The following CPXM1 variants were observed in gnomAD, a reference collection of about 807,000 sequenced individuals.
The protein encoded by CPXM1 is probable carboxypeptidase X1.
CPXM1 carries 72 observed loss-of-function variants against 80.4 expected under a neutral mutation model. That is an observed-to-expected ratio of 0.90 (90% CI 0.74 to 1.09). CPXM1 has a LOEUF of 1.09. Among genes scored for constraint, CPXM1 ranks in the 50% least tolerant of loss-of-function variants. The probability of loss-of-function intolerance (pLI) is 0.00; values close to 1 mark genes in which losing one functional copy is unlikely to be tolerated. For missense variants in CPXM1, 892 were observed against 999.4 expected (o/e 0.89, Z 1.45); for synonymous variants, 403 against 405.6 (o/e 0.99, Z 0.08).
At position 2,796,131 on chromosome 20, in the gene CPXM1, G is replaced by C; in HGVS notation, c.1273C>G (p.Arg425Gly). ...GSELVGWAEG[R>G]WNNQSIDLNH... is the part of the protein sequence containing the mutation. ...AGATCGATGCTCTGGTTGTTCCAGCGGCCCTCGGCCCAGCCCACCAGCTCT... is the reference window on the plus strand; with the variant it reads ...AGATCGATGCTCTGGTTGTTCCAGCCGCCCTCGGCCCAGCCCACCAGCTCT... Residue 425 changes from arginine to glycine, a missense_variant, in exon 10 of 14, where the codon CGC (arginine) becomes GGC (glycine). Coordinates refer to ENST00000380605, the MANE Select transcript of CPXM1 (RefSeq NM_019609.5). The surrounding 1 kb of genome is among the most constrained non-coding windows in gnomAD (Gnocchi z 6.8). The C allele has an allele frequency of 6.2e-7, 1 of 1,612,444 alleles. No homozygotes were observed. The highest frequency in any genetic ancestry group is 8.5e-7 in the Non-Finnish European group (1 of 1,179,164).
At chr20:2,798,568 C>T in intron 2 of CPXM1, 31 bp from the exon 3 acceptor site, 1 of 1,592,450 alleles carries the variant, frequency 6.3e-7, no homozygotes, top group East Asian at 2.2e-5. Flanking sequence ...TGAGACAGGA[C>T]CAGAGGGAGG....
intron 1 of CPXM1, 28 bp downstream of exon 1, chr20:2,800,373 G>C (rs778424674): frequency 2.0e-6 from 3 of 1,489,470 alleles, no homozygotes; most frequent in African/African-American, 1.4e-5. Context: ...GGCTTGCGGG[G>C]GAGCGGACCG....
Position 2,797,188 on chromosome 20 carries a change from C to T in CPXM1, c.832+4G>A. 1 of 1,596,262 alleles carries T rather than the reference C, an allele frequency of 6.3e-7. No individual in the cohort carries two copies. The highest frequency in any genetic ancestry group is 1.1e-5 in the South Asian group (1 of 89,652). On this transcript the variant is annotated splice_donor_region_variant and intron_variant, in intron 6 of 13. Transcript: ENST00000380605. ...GCCCAACCAACCCTGGCCTGACTGC[C>T]CACCTGAGACTGGGCAGGCCAGGAT...
intron 1 of CPXM1, 90 bp from the exon 2 acceptor site, chr20:2,798,983 C>T (rs944039064): frequency 8.0e-5 from 102 of 1,272,158 alleles, no homozygotes; most frequent in Non-Finnish European, 1.0e-4. Context: ...ACATGTGAGC[C>T]CACAGCAGGC....
At chr20:2,799,747 G>A (rs936218935) in intron 1 of CPXM1, among the ~76,000 whole-genome samples, 3 of 152,164 alleles carry the variant, frequency 2.0e-5, no homozygotes, top group South Asian at 4.1e-4. Flanking sequence ...AAAGCTGGGA[G>A]GTCGGGCTGC....
At chr20:2,797,717 C>T (rs215540) in intron 5 of CPXM1, among the ~76,000 whole-genome samples, 136,503 of 152,242 alleles carry the variant, frequency 0.9, 61,264 homozygotes, top group East Asian at 1. Context: ...AGAAGGGGCA[C>T]GCCAGGAGGA....
rs753399525 is a variant in CPXM1 at position 2,798,491 on chromosome 20, C to T, written c.387G>A (p.Arg129=). ...AGGACTGGCTGCTGGATGCCTCAAGCCGGCTATCTGAAACTCGCAGGGACT... is the reference window on the plus strand; with the variant it reads ...AGGACTGGCTGCTGGATGCCTCAAGTCGGCTATCTGAAACTCGCAGGGACT... ...GLESLRVSDS[R]LEASSSQSFG... Residue 129 remains arginine, a synonymous_variant, in exon 3 of 14, where the codon CGG becomes CGA. Coordinates refer to ENST00000380605, the MANE Select transcript of CPXM1 (RefSeq NM_019609.5). 1.6e-5 allele frequency: 26 copies of T among 1,614,052 alleles called. No homozygotes were observed. Among genetic ancestry groups the T allele is most frequent in the Non-Finnish European group, 2.1e-5 (25 of 1,180,030 alleles).
Position 2,796,100 on chromosome 20 carries a change from T to C in CPXM1, c.1304A>G (p.His435Arg). The C allele has an allele frequency of 6.2e-7, 1 of 1,614,004 alleles. No individual in the cohort carries two copies. The highest frequency in any genetic ancestry group is 8.5e-7 in the Non-Finnish European group (1 of 1,179,942). ...RWNNQSIDLNHNFADLNTPLW... is the reference protein window; with the variant it reads ...RWNNQSIDLNRNFADLNTPLW... ...TGGTGTGTTGAGGTCAGCAAAATTA[T>C]GGTTAAGATCGATGCTCTGGTTGTT... is the stretch of plus-strand genomic sequence containing the variant. Residue 435 changes from histidine (H) to arginine (R), a missense_variant, in exon 10 of 14, where the codon CAT becomes CGT. By Grantham distance (29) the His-to-Arg change is conservative (BLOSUM62 0). This residue lies in a region of CPXM1 where 874 missense variants were observed against 958.4 expected (regional missense o/e 0.91). Transcript: ENST00000380605. The surrounding 1 kb of genome is among the most constrained non-coding windows in gnomAD (Gnocchi z 6.8).
At chr20:2,798,337 G>A in intron 3 of CPXM1, 46 bp from the exon 4 acceptor site, 1 of 1,609,956 alleles carries the variant, frequency 6.2e-7, no homozygotes, top group Non-Finnish European at 8.5e-7. Context: ...GACAGAGTGG[G>A]GCAGGCCAGG....
rs762747534 is a variant in CPXM1 at position 2,795,342 on chromosome 20, G to A, written c.1795C>T (p.His599Tyr). Residue 599 changes from histidine to tyrosine, a missense_variant, in exon 12 of 14, where the codon CAC becomes TAC. Around this residue, in one of 2 missense-constraint regions of CPXM1, gnomAD observed 874 missense variants for 958.4 expected, o/e 0.91. Coordinates refer to ENST00000380605, the MANE Select transcript of CPXM1 (RefSeq NM_019609.5). The surrounding 1 kb of genome is among the most constrained non-coding windows in gnomAD (Gnocchi z 5.4). ...CACTCCTGGGGCAATTCATTCTCGTGAGGGAACTTGTCACAGGACAGCTCC... is the reference window on the plus strand; with the variant it reads ...CACTCCTGGGGCAATTCATTCTCGTAAGGGAACTTGTCACAGGACAGCTCC... ...TVELSCDKFP[H>Y]ENELPQEWEN... 2 of 1,614,174 alleles carry A rather than the reference G, an allele frequency of 1.2e-6. No individual in the cohort carries two copies. The highest frequency in any genetic ancestry group is 1.7e-6 in the Non-Finnish European group (2 of 1,180,020).
In CPXM1 at chr20:2,794,500, C is replaced by T. The variant is rs2088484389; in HGVS notation, c.1963+37G>A. ...TCTGCTTCTTCCCGAGCCTCCAGCC[C>T]TCCAGCCCCTTCCCTTGCCCTCCCG... is the stretch of plus-strand genomic sequence containing the variant. On this transcript the variant is annotated intron_variant, in intron 13 of 13. Transcript: ENST00000380605. The surrounding 1 kb of genome is among the most constrained non-coding windows in gnomAD (Gnocchi z 5.2). 6 of 1,613,750 alleles carry T rather than the reference C, an allele frequency of 3.7e-6. 1 individual carries two copies. In the South Asian group the frequency reaches 6.6e-5, roughly 18 times the overall value.
Position 2,796,983 on chromosome 20 carries a change from A to G in CPXM1, c.921+23T>C, listed in dbSNP as rs374282835. ...CTGAGATGGGTGGGCCCTCCTTCCC[A>G]GGTCATAGGGGTTATATCTGACCTT... On this transcript the variant is annotated intron_variant, in intron 7 of 13. Coordinates refer to ENST00000380605, the MANE Select transcript of CPXM1 (RefSeq NM_019609.5). The surrounding 1 kb of genome is among the most constrained non-coding windows in gnomAD (Gnocchi z 6.8). 4.2e-5 allele frequency: 68 copies of G among 1,608,508 alleles called. No homozygotes were observed. Among genetic ancestry groups the G allele is most frequent in the Middle Eastern group, 1.6e-4 (1 of 6,066 alleles).
chr20:2,797,862 A>G (rs2088526232), intron 5 of CPXM1, 106 bp downstream of exon 5: 1 of 993,834 alleles, frequency 1.0e-6, no homozygotes, highest in East Asian at 2.4e-5. Context: ...CCCCCTGGGA[A>G]GCCTAAGCTG....
In CPXM1 at chr20:2,795,005, C is replaced by T. The variant is rs533675758; in HGVS notation, c.1860+272G>A. Reference sequence around the variant, plus strand: ...TCCTGCACCTGCCTCACGTGAGTCTCTCCTGAGGATAGCTCTGGGGCAGCG... The same window carrying T: ...TCCTGCACCTGCCTCACGTGAGTCTTTCCTGAGGATAGCTCTGGGGCAGCG... On this transcript the variant is annotated intron_variant, in intron 12 of 13. Coordinates refer to ENST00000380605, the MANE Select transcript of CPXM1 (RefSeq NM_019609.5). This position sits in a 1 kb window ranked among gnomAD's most constrained non-coding sequence, Gnocchi z 5.4. Among the ~76,000 whole-genome samples the T allele has an allele frequency of 1.3e-5, 2 of 152,270 alleles. No homozygotes were observed. Among genetic ancestry groups the T allele is most frequent in the East Asian group, 3.9e-4 (2 of 5,162 alleles).
rs755055647 is a variant in CPXM1, at chr20:2,798,726, C to G, written c.340G>C (p.Gly114Arg). The G allele has an allele frequency of 1.2e-6, 2 of 1,610,784 alleles. No homozygotes were observed. ...TLDPAEKQET[G>R]CPPLGLESLR... ...GGCTGGGCCCCTGGAGAGGAAGTAC[C>G]TGTTTCTTGTTTCTCAGCGGGGTCG... Residue 114 changes from glycine (G) to arginine (R), a missense_variant and splice_region_variant, in exon 2 of 14, where the codon GGC (glycine) becomes CGC (arginine). By Grantham distance (125) the Gly-to-Arg change is moderately radical. This residue lies in a region of CPXM1 where 874 missense variants were observed against 958.4 expected (regional missense o/e 0.91). Coordinates refer to ENST00000380605, the MANE Select transcript of CPXM1 (RefSeq NM_019609.5).
At position 2,795,029 on chromosome 20, in the gene CPXM1, C is replaced by A; in HGVS notation, c.1860+248G>T. 6.6e-6 allele frequency among the ~76,000 whole-genome samples: 1 copy of A among 152,258 alleles called. No homozygotes were observed. Among genetic ancestry groups the A allele is most frequent in the East Asian group, 1.9e-4 (1 of 5,180 alleles). On this transcript the variant is annotated intron_variant, in intron 12 of 13. Transcript: ENST00000380605. This position sits in a 1 kb window ranked among gnomAD's most constrained non-coding sequence, Gnocchi z 5.4. ...TCTCCTGAGGATAGCTCTGGGGCAG[C>A]GCCACGGACCACCACCTAGACTGCA...
At position 2,796,176 on chromosome 20, in the gene CPXM1, G is replaced by A; in HGVS notation, c.1243-15C>T. ...AGCTCTGAACCCTGCCGGGCAAGAG[G>A]CTTGTTCAAGTCGAGCAGGTCCAGC... On this transcript the variant is annotated splice_polypyrimidine_tract_variant and intron_variant, in intron 9 of 13. Transcript: ENST00000380605. The surrounding 1 kb of genome is among the most constrained non-coding windows in gnomAD (Gnocchi z 6.8). 6.2e-7 allele frequency: 1 copy of A among 1,608,442 alleles called. No homozygotes were observed. Among genetic ancestry groups the A allele is most frequent in the Non-Finnish European group, 8.5e-7 (1 of 1,176,820 alleles).
rs549143936 is a variant in CPXM1, at chr20:2,795,530, G to A, written c.1720+69C>T. The A allele has an allele frequency of 1.4e-5, 22 of 1,586,944 alleles. No homozygotes were observed. In the East Asian group the frequency reaches 2.9e-4, roughly 21 times the overall value. The stretch of plus-strand genomic sequence containing the variant: ...GTGGGAACAGACGCCAGCACTGTAC[G>A]CAACCGCAGGCTGTCTTATCAGGGC... On this transcript the variant is annotated intron_variant, in intron 11 of 13. Transcript: ENST00000380605. This position sits in a 1 kb window ranked among gnomAD's most constrained non-coding sequence, Gnocchi z 5.4.
chr20:2,800,396 C>T lies in CPXM1; in HGVS notation c.172+5G>A, dbSNP rs1412939424. The T allele has an allele frequency of 6.6e-7, 1 of 1,524,504 alleles. No homozygotes were observed. The highest frequency in any genetic ancestry group is 8.7e-7 in the Non-Finnish European group (1 of 1,143,820). The allele number at this position is 1,524,504 out of a possible 1,614,324, so 94.4% of individuals were successfully genotyped here. On this transcript the variant is annotated splice_donor_5th_base_variant and intron_variant, in intron 1 of 13. Coordinates refer to ENST00000380605, the MANE Select transcript of CPXM1 (RefSeq NM_019609.5). ...GGGGAGCGGACCGTCGGTCGGGGAACTCACCGTTAGCTGTCTCCGCCGGCG... is the reference window on the plus strand; with the variant it reads ...GGGGAGCGGACCGTCGGTCGGGGAATTCACCGTTAGCTGTCTCCGCCGGCG...
Sources: allele counts gnomAD v4.1 joint callset (sites outside exome capture counted in the v4.1 genomes callset), GRCh38; gene constraint gnomAD v4.1.1; regional missense constraint gnomAD v4.1.1; non-coding constraint Gnocchi (gnomAD v3.1); transcripts MANE v1.5; gene names NCBI Gene and HGNC (gene_info 2026-07-23, HGNC 2026-07-21).